Variants in PRKCH observed in about 807,000 individuals in gnomAD.
PRKCH encodes the protein protein kinase C eta type.
PRKCH carries 28 observed loss-of-function variants against 82.5 expected under a neutral mutation model. The observed-to-expected ratio is 0.34, with a 90% confidence interval of 0.25 to 0.47. PRKCH has a LOEUF of 0.47. PRKCH is among the 20% of genes least tolerant of loss of function. The pLI is 1.00. For synonymous variants in PRKCH, 322 were observed against 327.4 expected (o/e 0.98, Z 0.18); for missense variants, 705 against 881.8 (o/e 0.80, Z 2.54).
chr14:61,396,273 G>A (rs1238367768), intron 2 of PRKCH, among the ~76,000 whole-genome samples: 4 of 151,816 alleles, frequency 2.6e-5, no homozygotes, highest in Admixed American at 6.6e-5. Context: ...TAAATTGGAC[G>A]GTGGTCTGTG....
At chr14:61,530,308 A>G in intron 11 of PRKCH, 99 bp from the exon 12 acceptor site, 4 of 1,299,552 alleles carry the variant, frequency 3.1e-6, no homozygotes, top group Non-Finnish European at 4.1e-6. Flanking sequence ...TTTTAAAAAA[A>G]CTTTGATATT....
chr14:61,255,396 T>A (rs541126705), intron 1 of PRKCH, among the ~76,000 whole-genome samples: 106 of 152,332 alleles, frequency 7.0e-4, no homozygotes, highest in African/African-American at 2.3e-3. Context: ...TGGGAACACA[T>A]TCTTTTGAAG....
intron 1 of PRKCH, among the ~76,000 whole-genome samples, chr14:61,362,219 A>C (rs1427534046): frequency 6.6e-6 from 1 of 152,030 alleles, no homozygotes; most frequent in Non-Finnish European, 1.5e-5. Context: ...ATGTACCTGT[A>C]GTCCCAGCTA....
chr14:61,549,896 C>G lies in PRKCH; in HGVS notation c.*65C>G. 1 of 1,536,532 alleles carries G rather than the reference C, an allele frequency of 6.5e-7. No individual in the cohort carries two copies. The highest frequency in any genetic ancestry group is 1.2e-5 in the South Asian group (1 of 83,738). The stretch of plus-strand genomic sequence containing the variant: ...GGAATAGAGATTCTCCAGGAATTTC[C>G]TCTATGGGACCTTCCCAGCATCAGC... On this transcript the variant is annotated 3_prime_UTR_variant, in exon 14 of 14. Coordinates refer to ENST00000332981, the MANE Select transcript of PRKCH (RefSeq NM_006255.5).
intron 10 of PRKCH, among the ~76,000 whole-genome samples, chr14:61,487,191 C>G (rs985026295): frequency 6.6e-6 from 1 of 152,108 alleles, no homozygotes; most frequent in Non-Finnish European, 1.5e-5. Context: ...TGCAGATCCC[C>G]TAGACCTCAA....
chr14:61,368,271 AC>A, intron 1 of PRKCH, among the ~76,000 whole-genome samples: 1 of 147,972 alleles, frequency 6.8e-6, no homozygotes, highest in Admixed American at 6.8e-5. Context: ...TCTACCCTTC[AC>A]CTCTTCTCTG....
At chr14:61,281,441 T>A (rs1594889616) in intron 1 of PRKCH, 1 of 267,806 alleles carries the variant, frequency 3.7e-6, no homozygotes, top group African/African-American at 2.2e-5. Flanking sequence ...CAGGTGGGTG[T>A]TTTTTACCTC....
chr14:61,297,327 A>G (rs993976529), intron 1 of PRKCH, among the ~76,000 whole-genome samples: 2 of 152,226 alleles, frequency 1.3e-5, no homozygotes, highest in Non-Finnish European at 2.9e-5. Flanking sequence ...TACCTTGCAT[A>G]CAGAAACTAT....
intron 12 of PRKCH, among the ~76,000 whole-genome samples, chr14:61,535,216 G>C (rs116463512): frequency 6.6e-6 from 1 of 152,144 alleles, no homozygotes; most frequent in East Asian, 1.9e-4. Flanking sequence ...GGTTCTGTGC[G>C]AGGTGCCAGG....
chr14:61,510,190 G>A (rs1009914550), intron 10 of PRKCH, among the ~76,000 whole-genome samples: 1 of 152,134 alleles, frequency 6.6e-6, no homozygotes, highest in Admixed American at 6.5e-5. Flanking sequence ...GTGAGAACCT[G>A]GAAGGTTTTG....
chr14:61,272,344 C>CTTTTTTTTTTTTTTTT (rs1162331604), intron 1 of PRKCH, among the ~76,000 whole-genome samples: 26 of 23,592 alleles, frequency 1.1e-3, no homozygotes, highest in African/African-American at 1.8e-3. Context: ...TTTTTTCTTT[C>CTTTTTTTTTTTTTTTT]TTTTTTTTTT....
At chr14:61,499,639 A>C (rs972681015) in intron 10 of PRKCH, among the ~76,000 whole-genome samples, 3 of 152,128 alleles carry the variant, frequency 2.0e-5, no homozygotes, top group African/African-American at 7.2e-5. Context: ...CGCTGACAAA[A>C]TTCTAGAATC....
chr14:61,489,982 AAT>A (rs1436202908), intron 10 of PRKCH, among the ~76,000 whole-genome samples: 3 of 152,188 alleles, frequency 2.0e-5, no homozygotes, highest in African/African-American at 7.2e-5. Context: ...TTGGGTGAGG[AAT>A]AGTTTATAGA....
intron 1 of PRKCH, among the ~76,000 whole-genome samples, chr14:61,268,376 A>G (rs1292246102): frequency 6.6e-6 from 1 of 152,206 alleles, no homozygotes; most frequent in East Asian, 1.9e-4. Context: ...ACAAAAATTT[A>G]TATTTCTGGC....
At chr14:61,372,988 C>A (rs2046383090) in intron 1 of PRKCH, among the ~76,000 whole-genome samples, 1 of 151,916 alleles carries the variant, frequency 6.6e-6, no homozygotes. Flanking sequence ...ATCTGAGAGA[C>A]AGTCCTGCCA....
At chr14:61,403,254 A>G (rs1216056246) in intron 2 of PRKCH, among the ~76,000 whole-genome samples, 2 of 152,244 alleles carry the variant, frequency 1.3e-5, no homozygotes, top group Non-Finnish European at 2.9e-5. Flanking sequence ...GAATCCATTC[A>G]AAGGGGTACT....
intron 10 of PRKCH, among the ~76,000 whole-genome samples, chr14:61,491,491 G>A (rs1331801968): frequency 4.6e-5 from 7 of 152,168 alleles, no homozygotes; most frequent in Admixed American, 2.6e-4. Context: ...GAGCTTTTTA[G>A]TCATGTGCTT....
At chr14:61,529,753 G>T (rs905565202) in intron 11 of PRKCH, among the ~76,000 whole-genome samples, 1 of 118,234 alleles carries the variant, frequency 8.5e-6, no homozygotes, top group Non-Finnish European at 1.7e-5. Context: ...TGGGGACTGT[G>T]GTGGGGTGGG....
intron 9 of PRKCH, among the ~76,000 whole-genome samples, chr14:61,467,320 C>T (rs1295191017): frequency 2.0e-5 from 3 of 152,206 alleles, no homozygotes; most frequent in Admixed American, 1.3e-4. Flanking sequence ...TGTTGGCCAA[C>T]GTACCTTTAG....
Sources: allele counts gnomAD v4.1 joint callset (sites outside exome capture counted in the v4.1 genomes callset), GRCh38; gene constraint gnomAD v4.1.1; transcripts MANE v1.5; gene names NCBI Gene and HGNC (gene_info 2026-07-23, HGNC 2026-07-21).